Variants in COL6A5 observed in about 807,000 individuals in gnomAD.
The protein encoded by COL6A5 is collagen type VI alpha 5 chain.
Under a neutral mutation model 65.6 loss-of-function variants are expected in COL6A5, and 48 were observed. That is an observed-to-expected ratio of 0.73 (90% confidence interval 0.58 to 0.93). The LOEUF is 0.93. COL6A5 is among the 40% of genes least tolerant of loss of function. The pLI is 0.00. For missense variants in COL6A5, 914 were observed against 928.3 expected (o/e 0.98, Z 0.20); for synonymous variants, 291 against 322.8 (o/e 0.90, Z 1.05).
intron 3 of COL6A5, among the ~76,000 whole-genome samples, chr3:130,378,633 A>G (rs1316449523): frequency 6.6e-6 from 1 of 151,704 alleles, no homozygotes; most frequent in Non-Finnish European, 1.5e-5. Flanking sequence ...GTTTCCCCTC[A>G]CTCATGGGCT....
exon 1 of COL6A5, chr3:130,431,938 G>C: frequency 6.5e-7 from 1 of 1,549,446 alleles, no homozygotes; most frequent in Non-Finnish European, 8.7e-7. Context: ...AGTTTTCCTT[G>C]AAGCTTTTGG....
At chr3:130,419,951 A>T (rs1937477708) in intron 25 of COL6A5, among the ~76,000 whole-genome samples, 1 of 152,140 alleles carries the variant, frequency 6.6e-6, no homozygotes, top group Non-Finnish European at 1.5e-5. Context: ...AGGGGAAAAA[A>T]TGATTAGGGC....
intron 25 of COL6A5, 118 bp downstream of exon 25, chr3:130,419,049 A>G: frequency 1.3e-6 from 1 of 784,580 alleles, no homozygotes; most frequent in South Asian, 1.6e-5. Context: ...TTCAGCATCT[A>G]GGAAAATGTG....
chr3:130,363,673 A>G (rs1456472039), intron 1 of COL6A5, among the ~76,000 whole-genome samples: 1 of 152,070 alleles, frequency 6.6e-6, no homozygotes, highest in Non-Finnish European at 1.5e-5. Flanking sequence ...ATAATGAGAA[A>G]TTTTTTCTTT....
chr3:130,388,747 A>G, exon 6 of COL6A5: 1 of 1,551,402 alleles, frequency 6.4e-7, no homozygotes, highest in South Asian at 1.2e-5. Context: ...TGATAAAACT[A>G]AGGAAGAGTT....
In COL6A5 at chr3:130,470,856, C is replaced by T. The variant is rs779022790; in HGVS notation, c.2232-15C>T. The T allele has an allele frequency of 2.5e-6, 4 of 1,589,910 alleles. No homozygotes were observed. In the Admixed American group the frequency reaches 5.0e-5, roughly 20 times the overall value. On this transcript the variant is annotated splice_polypyrimidine_tract_variant and intron_variant, in intron 6 of 7. Transcript: ENST00000512836. ...GTGGGTAAAATTTAGACTAACCAGCCCACTCTCTCTCCAGGTGCCATCAAC... is the reference window on the plus strand; with the variant it reads ...GTGGGTAAAATTTAGACTAACCAGCTCACTCTCTCTCCAGGTGCCATCAAC...
chr3:130,468,952 A>G, exon 6 of COL6A5: 1 of 1,612,716 alleles, frequency 6.2e-7, no homozygotes, highest in Non-Finnish European at 8.5e-7. Flanking sequence ...TTATAACCTC[A>G]GTGCTTGATT....
chr3:130,470,318 G>T (rs1194350807), intron 6 of COL6A5, among the ~76,000 whole-genome samples: 2 of 152,058 alleles, frequency 1.3e-5, no homozygotes, highest in Non-Finnish European at 2.9e-5. Context: ...AATGGTCTCT[G>T]CAGCTCCTGT....
At chr3:130,416,591 T>C (rs1328393143) in intron 23 of COL6A5, among the ~76,000 whole-genome samples, 166 bp from the exon 24 acceptor site, 1 of 152,148 alleles carries the variant, frequency 6.6e-6, no homozygotes, top group East Asian at 1.9e-4. Flanking sequence ...CTGAGTCATC[T>C]GGTTCAGCTC....
intron 7 of COL6A5, among the ~76,000 whole-genome samples, chr3:130,393,409 A>G (rs750834549): frequency 3.9e-5 from 6 of 152,054 alleles, no homozygotes; most frequent in Non-Finnish European, 5.9e-5. Context: ...TCTATTTTCC[A>G]GGTGGTAGCA....
At chr3:130,450,371 G>A (rs960701700) in intron 4 of COL6A5, among the ~76,000 whole-genome samples, 4 of 152,106 alleles carry the variant, frequency 2.6e-5, no homozygotes, top group African/African-American at 7.2e-5. Flanking sequence ...GTGTTGAGCC[G>A]GCTTGGCCGC....
At chr3:130,425,160 G>A (rs1937580337) in intron 29 of COL6A5, among the ~76,000 whole-genome samples, 1 of 152,128 alleles carries the variant, frequency 6.6e-6, no homozygotes. Flanking sequence ...TTTCGTGGAT[G>A]CATAATTTCC....
At chr3:130,376,966 C>T in intron 3 of COL6A5, 130 bp downstream of exon 3, 1 of 1,006,194 alleles carries the variant, frequency 9.9e-7, no homozygotes, top group Non-Finnish European at 1.4e-6. Context: ...TTCTACACAT[C>T]ATACCTACTC....
intron 6 of COL6A5, 74 bp from the exon 7 acceptor site, chr3:130,391,105 T>C (rs931522886): frequency 1.8e-5 from 19 of 1,038,782 alleles, no homozygotes; most frequent in Non-Finnish European, 2.4e-5. Context: ...AAATGCCAGT[T>C]CGCTTCCCTT....
chr3:130,375,861 C>T (rs1305891579), intron 2 of COL6A5, among the ~76,000 whole-genome samples: 1 of 152,058 alleles, frequency 6.6e-6, no homozygotes, highest in African/African-American at 2.4e-5. Flanking sequence ...CAATTACCTC[C>T]TATTGGGTCC....
At chr3:130,474,045 G>A (rs919873472) in intron 7 of COL6A5, among the ~76,000 whole-genome samples, 8 of 152,116 alleles carry the variant, frequency 5.3e-5, no homozygotes, top group Non-Finnish European at 8.8e-5. Context: ...ACAGTCTCAA[G>A]TAGTAACTGT....
At chr3:130,355,087 T>C (rs144119179) in intron 1 of COL6A5, among the ~76,000 whole-genome samples, 3 of 152,208 alleles carry the variant, frequency 2.0e-5, no homozygotes, top group Admixed American at 2.0e-4. Flanking sequence ...ACCAAAAAAA[T>C]TAAAATTACA....
At chr3:130,404,906 A>G (rs1936935344) in intron 13 of COL6A5, among the ~76,000 whole-genome samples, 3 of 152,246 alleles carry the variant, frequency 2.0e-5, no homozygotes, top group Admixed American at 2.0e-4. Context: ...ACGATGGTGA[A>G]AGACACAGTT....
chr3:130,414,385 T>C (rs1937278044), intron 22 of COL6A5, among the ~76,000 whole-genome samples: 1 of 152,112 alleles, frequency 6.6e-6, no homozygotes, highest in Non-Finnish European at 1.5e-5. Context: ...TTAGTAATAG[T>C]GAATGATTAA....
Sources: gnomAD v4.1 joint callset for allele counts (sites outside exome capture counted in the v4.1 genomes callset) on GRCh38, gnomAD v4.1.1 for gene constraint, MANE v1.5 for transcripts, NCBI Gene and HGNC (gene_info 2026-07-23, HGNC 2026-07-21) for gene names.